GSDMA: variants seen among roughly 807,000 people sequenced by gnomAD.
The protein encoded by GSDMA is gasdermin-A.
In GSDMA, 55 loss-of-function variants were observed where a neutral mutation model predicts 54.3. The observed-to-expected ratio is 1.01, with a 90% CI of 0.82 to 1.27. GSDMA has a LOEUF of 1.27. Ranked by LOEUF, GSDMA falls within the 50% of genes most tolerant of loss-of-function variation. The probability of loss-of-function intolerance (pLI) is 0.00; values close to 1 mark genes in which losing one functional copy is unlikely to be tolerated. For synonymous variants in GSDMA, 211 were observed against 224.7 expected, an observed-to-expected ratio of 0.94 and a Z score of 0.54; for missense variants, 542 against 542.6, an observed-to-expected ratio of 1.00 and a Z score of 0.01.
At chr17:39,972,741 G>A (rs925563682) in intron 7 of GSDMA, 128 bp downstream of exon 7, 23 of 868,672 alleles carry the variant, frequency 2.6e-5, no homozygotes, top group Middle Eastern at 2.4e-4. Flanking sequence ...AATTGTCCCC[G>A]AAACATGGCA....
chr17:39,972,816 C>A (rs933088635), intron 7 of GSDMA, among the ~76,000 whole-genome samples: 2 of 143,512 alleles, frequency 1.4e-5, no homozygotes, highest in African/African-American at 2.6e-5. Context: ...TGGTCTGACG[C>A]CTGAGACCTT....
rs190436537 is a variant in GSDMA at position 39,964,511 on chromosome 17, G to A, written c.-5-1172G>A. 5.2e-3 allele frequency among the ~76,000 whole-genome samples: 785 copies of A among 152,016 alleles called. 5 individuals carry two copies. The highest frequency in any genetic ancestry group is 8.2e-3 in the Admixed American group (125 of 15,284). The stretch of plus-strand genomic sequence containing the variant: ...TTGAATCTGAGAGGTGGAGACTGCA[G>A]GGAGCCGAGATGGCACCACTGCACT... On this transcript the variant is annotated intron_variant, in intron 1 of 11. Transcript: ENST00000301659.
chr17:39,977,128 C>G lies in GSDMA; in HGVS notation c.*70C>G. On this transcript the variant is annotated 3_prime_UTR_variant, in exon 12 of 12. Transcript: ENST00000301659. ...CCTCGTGGTGCTGTGTCCTTACCAC[C>G]TAAGGGCATTTCAGAGCCATCAGCT... 6.5e-7 allele frequency: 1 copy of G among 1,542,254 alleles called. No homozygotes were observed. The highest frequency in any genetic ancestry group is 8.9e-7 in the Non-Finnish European group (1 of 1,128,904).
At position 39,976,902 on chromosome 17, in the gene GSDMA, C is replaced by T. The variant is rs138595723; in HGVS notation, c.1182C>T (p.Asp394=). The T allele has an allele frequency of 2.6e-3, 4,155 of 1,613,960 alleles. 10 individuals are homozygous for T. Among genetic ancestry groups the T allele is most frequent in the Non-Finnish European group, 3.2e-3 (3,719 of 1,179,888 alleles). ...LQPELLSSLG[D]EELTLTEALV... ...CTGAGCTGCTCTCCTCCCTTGGGGA[C>T]GAGGAGCTGACCCTCACGGAGGCTC... The change falls in exon 12 of 12, where the codon GAC becomes GAT. Residue 394 remains aspartate, a synonymous_variant. Transcript: ENST00000301659.
chr17:39,966,031 T>A, intron 2 of GSDMA, 130 bp downstream of exon 2: 1 of 896,244 alleles, frequency 1.1e-6, no homozygotes, highest in Non-Finnish European at 1.7e-6. Context: ...AAAGTCATCA[T>A]CAGGAGCTGA....
At chr17:39,974,142 G>A (rs1980085327) in intron 8 of GSDMA, 131 bp from the exon 9 acceptor site, 4 of 987,336 alleles carry the variant, frequency 4.1e-6, no homozygotes, top group Non-Finnish European at 5.8e-6. Flanking sequence ...GAAAAATGGG[G>A]CCAGGCTCAA....
At chr17:39,973,921 C>G (rs548705707) in intron 8 of GSDMA, 91 bp downstream of exon 8, 1 of 1,223,596 alleles carries the variant, frequency 8.2e-7, no homozygotes, top group African/African-American at 1.5e-5. Flanking sequence ...TCTTTGTCAG[C>G]TAACTCATGG....
rs1980238039 is a variant in GSDMA, at chr17:39,977,160, A to G, written c.*102A>G. ...CATTTCAGAGCCATCAGCTGAAGAC[A>G]TCTGAAATCTCAGCTGGTCACCCAT... On this transcript the variant is annotated 3_prime_UTR_variant, in exon 12 of 12. Coordinates refer to ENST00000301659, the MANE Select transcript of GSDMA (RefSeq NM_178171.5). 2.9e-6 allele frequency: 4 copies of G among 1,380,332 alleles called. No individual in the cohort carries two copies. Among genetic ancestry groups the G allele is most frequent in the Non-Finnish European group, 4.0e-6 (4 of 1,003,572 alleles). 85.5% of individuals were successfully genotyped at this position (1,380,332 alleles called of 1,614,324 possible).
In GSDMA at chr17:39,976,951, G is replaced by A. The variant is rs746380757; in HGVS notation, c.1231G>A (p.Val411Met). 2 of 1,613,888 alleles carry A rather than the reference G, an allele frequency of 1.2e-6. No homozygotes were observed. The highest frequency in any genetic ancestry group is 1.3e-5 in the African/African-American group (1 of 74,906). Residue 411 changes from valine to methionine, a missense_variant, in exon 12 of 12, where the codon GTG (valine) becomes ATG (methionine). Physicochemically the swap from Val to Met is conservative, Grantham distance 21 (BLOSUM62 1). Coordinates refer to ENST00000301659, the MANE Select transcript of GSDMA (RefSeq NM_178171.5). ...EALVGLSGLE[V>M]QRSGPQYMWD... The stretch of plus-strand genomic sequence containing the variant: ...TCTAGTCGGGCTGAGTGGCCTGGAA[G>A]TGCAGAGATCGGGCCCCCAATATAT...
chr17:39,973,362 C>G (rs1024170906), intron 7 of GSDMA, among the ~76,000 whole-genome samples: 2 of 151,678 alleles, frequency 1.3e-5, no homozygotes, highest in Non-Finnish European at 2.9e-5. Context: ...CTCTGCCTCC[C>G]AGGTTCAAGC....
chr17:39,970,887 G>A (rs1246561854), intron 4 of GSDMA, among the ~76,000 whole-genome samples: 2 of 152,210 alleles, frequency 1.3e-5, no homozygotes, highest in Non-Finnish European at 2.9e-5. Context: ...GATGCCACAG[G>A]GAACTACTGG....
At position 39,965,812 on chromosome 17, in the gene GSDMA, A is replaced by T. The variant is rs778879502; in HGVS notation, c.125A>T (p.Lys42Met). The T allele has an allele frequency of 4.4e-6, 7 of 1,598,178 alleles. No homozygotes were observed. In the East Asian group the frequency reaches 1.6e-4, roughly 36 times the overall value. Residue 42 changes from lysine to methionine, a missense_variant, in exon 2 of 12, where the codon AAG (lysine) becomes ATG (methionine). Transcript: ENST00000301659. The part of the protein sequence containing the change: ...RFHPFCLVLR[K>M]RKSTLFWGAR... ...CATCCCTTCTGCCTGGTGCTGAGGA[A>T]GAGGAAGAGCACGCTCTTCTGGGGG... is the stretch of plus-strand genomic sequence containing the variant.
chr17:39,973,144 T>G (rs1980037087), intron 7 of GSDMA, among the ~76,000 whole-genome samples: 1 of 151,846 alleles, frequency 6.6e-6, no homozygotes, highest in Non-Finnish European at 1.5e-5. Context: ...GCTAATTTTT[T>G]GTATTTTTAG....
intron 3 of GSDMA, among the ~76,000 whole-genome samples, chr17:39,967,884 G>A (rs1199882500): frequency 6.7e-6 from 1 of 149,436 alleles, no homozygotes; most frequent in Non-Finnish European, 1.5e-5. Flanking sequence ...TTGAGATGGA[G>A]TCTCGCTCTG....
rs1216581213 is a variant in GSDMA, at chr17:39,965,905, A to G, written c.214+4A>G. ...GAGCCCGGCAGCTCACCTTCAGGTC[A>G]GCCTCAAGCGGGGCTGGGAACTGAG... On this transcript the variant is annotated splice_donor_region_variant and intron_variant, in intron 2 of 11. Transcript: ENST00000301659. 6.4e-7 allele frequency: 1 copy of G among 1,551,400 alleles called. No homozygotes were observed. The highest frequency in any genetic ancestry group is 2.4e-5 in the East Asian group (1 of 41,016).
Position 39,974,959 on chromosome 17 carries a change from C to A in GSDMA, c.966C>A (p.Val322=). Residue 322 remains valine, a synonymous_variant, in exon 10 of 12, where the codon GTC becomes GTA. Transcript: ENST00000301659. The stretch of plus-strand genomic sequence containing the variant: ...CCCTGGAGGCACTCCCAAAAGATGT[C>A]CTGCTATCAAAGGAGGCCGTGGGCG... The part of the protein sequence containing the change: ...EVTLEALPKD[V]LLSKEAVGAI... 6.2e-7 allele frequency: 1 copy of A among 1,613,194 alleles called. No individual in the cohort carries two copies. Among genetic ancestry groups the A allele is most frequent in the Non-Finnish European group, 8.5e-7 (1 of 1,179,556 alleles).
intron 1 of GSDMA, among the ~76,000 whole-genome samples, 176 bp downstream of exon 1, chr17:39,963,261 C>T (rs887034705): frequency 6.6e-6 from 1 of 151,936 alleles, no homozygotes; most frequent in African/African-American, 2.4e-5. Context: ...GAGGAGGCTG[C>T]TGTTGCCCAA....
intron 1 of GSDMA, among the ~76,000 whole-genome samples, chr17:39,964,874 C>T (rs1328998492): frequency 6.6e-6 from 1 of 152,136 alleles, no homozygotes; most frequent in Non-Finnish European, 1.5e-5. Flanking sequence ...CACCTGTAAT[C>T]CCAGCACTTC....
chr17:39,977,054 C>A lies in GSDMA; in HGVS notation c.1334C>A (p.Ser445Tyr). Residue 445 changes from serine (S) to tyrosine (Y), a missense_variant, in exon 12 of 12, where the codon TCC (serine) becomes TAC (tyrosine). Coordinates refer to ENST00000301659, the MANE Select transcript of GSDMA (RefSeq NM_178171.5). ...LSLLQQLTKA[S>Y] ...CTCCTTCAGCAGCTTACCAAGGCCTCCTAATTTGCCTTTTACGTCTGCTTC... is the reference window on the plus strand; with the variant it reads ...CTCCTTCAGCAGCTTACCAAGGCCTACTAATTTGCCTTTTACGTCTGCTTC... The A allele has an allele frequency of 6.2e-7, 1 of 1,613,744 alleles. No homozygotes were observed. The highest frequency in any genetic ancestry group is 8.5e-7 in the Non-Finnish European group (1 of 1,179,826).
Sources: allele counts gnomAD v4.1 joint callset (sites outside exome capture counted in the v4.1 genomes callset), GRCh38; gene constraint gnomAD v4.1.1; transcripts MANE v1.5; gene names NCBI Gene and HGNC (gene_info 2026-07-23, HGNC 2026-07-21).